ADAM12: variants seen among roughly 807,000 people sequenced by gnomAD.
ADAM12 encodes disintegrin and metalloproteinase domain-containing protein 12.
ADAM12 carries 70 observed loss-of-function variants against 106.4 expected under a neutral mutation model. The observed-to-expected ratio is 0.66, with a 90% confidence interval of 0.54 to 0.80. ADAM12 has a LOEUF of 0.80. Among genes scored for constraint, ADAM12 ranks in the 30% least tolerant of loss-of-function variants. The pLI is 0.00. For missense variants in ADAM12, 1,010 were observed against 1,171.9 expected (o/e 0.86, Z 2.02); for synonymous variants, 420 against 433.5 (o/e 0.97, Z 0.39).
At chr10:126,226,913 T>C (rs7082550) in intron 3 of ADAM12, among the ~76,000 whole-genome samples, 3 of 152,178 alleles carry the variant, frequency 2.0e-5, no homozygotes, top group Admixed American at 6.5e-5. Flanking sequence ...ACATATATAC[T>C]GGCCAAGTGA....
chr10:126,216,513 G>A (rs1957990494), intron 3 of ADAM12, among the ~76,000 whole-genome samples: 1 of 152,206 alleles, frequency 6.6e-6, no homozygotes, highest in African/African-American at 2.4e-5. Context: ...ATCACAGCTT[G>A]TGATAGATCT....
At chr10:126,101,294 C>T in intron 8 of ADAM12, 53 bp from the exon 9 acceptor site, 1 of 1,573,640 alleles carries the variant, frequency 6.4e-7, no homozygotes, top group Non-Finnish European at 8.7e-7. Context: ...TTAATAAAAA[C>T]TCGAAATGAA....
chr10:126,141,901 C>G (rs1430512466), intron 4 of ADAM12, among the ~76,000 whole-genome samples: 3 of 152,196 alleles, frequency 2.0e-5, no homozygotes, highest in African/African-American at 7.2e-5. Flanking sequence ...TTGAATCACA[C>G]AATATTCTAG....
At chr10:126,262,843 C>G (rs1328891352) in intron 3 of ADAM12, among the ~76,000 whole-genome samples, 1 of 152,190 alleles carries the variant, frequency 6.6e-6, no homozygotes, top group African/African-American at 2.4e-5. Context: ...ACTTCCCACC[C>G]TGCCTCCAAC....
chr10:126,099,265 CA>C (rs1331301497), intron 9 of ADAM12, among the ~76,000 whole-genome samples: 3 of 152,122 alleles, frequency 2.0e-5, no homozygotes, highest in African/African-American at 7.2e-5. Flanking sequence ...CTATCTTGGC[CA>C]TGTATGTATA....
At chr10:126,244,196 C>A (rs4962322) in intron 3 of ADAM12, among the ~76,000 whole-genome samples, 19,852 of 152,200 alleles carry the variant, frequency 0.13, 1,420 homozygotes, top group Admixed American at 0.19. Flanking sequence ...AAGTATGAAT[C>A]CAACATGAGT....
chr10:126,144,161 T>A (rs1956581196), intron 4 of ADAM12, among the ~76,000 whole-genome samples: 1 of 152,246 alleles, frequency 6.6e-6, no homozygotes, highest in African/African-American at 2.4e-5. Context: ...TACAAAATCA[T>A]GTTCATAGTC....
At chr10:126,238,202 G>A (rs756762398) in intron 3 of ADAM12, among the ~76,000 whole-genome samples, 4 of 152,162 alleles carry the variant, frequency 2.6e-5, no homozygotes, top group South Asian at 2.1e-4. Context: ...AATCCTGGCC[G>A]GGCAGGGTGG....
chr10:126,382,678 C>T (rs141389125), intron 1 of ADAM12, among the ~76,000 whole-genome samples: 360 of 152,164 alleles, frequency 2.4e-3, no homozygotes, highest in African/African-American at 8.0e-3. Context: ...TTTAATGCCC[C>T]GTTATTAAAT....
At chr10:126,231,966 T>C (rs943673925) in intron 3 of ADAM12, among the ~76,000 whole-genome samples, 2 of 152,180 alleles carry the variant, frequency 1.3e-5, no homozygotes, top group African/African-American at 4.8e-5. Context: ...TTTCTGACAT[T>C]TCTACTTGAA....
At chr10:126,123,171 A>C (rs1956144012) in intron 5 of ADAM12, among the ~76,000 whole-genome samples, 1 of 152,242 alleles carries the variant, frequency 6.6e-6, no homozygotes, top group African/African-American at 2.4e-5. Context: ...AGCTCTAAAG[A>C]ATTGCTGGAA....
intron 3 of ADAM12, among the ~76,000 whole-genome samples, chr10:126,199,344 G>C (rs1384660105): frequency 6.6e-6 from 1 of 152,138 alleles, no homozygotes; most frequent in African/African-American, 2.4e-5. Context: ...GAAATGGCCG[G>C]TGTTCATTTC....
intron 12 of ADAM12, among the ~76,000 whole-genome samples, chr10:126,068,022 A>C (rs1258660339): frequency 6.6e-6 from 1 of 152,198 alleles, no homozygotes; most frequent in Non-Finnish European, 1.5e-5. Flanking sequence ...ATTCTATTAT[A>C]CAGACTTCCA....
chr10:126,231,592 A>G (rs1565154581), intron 3 of ADAM12, among the ~76,000 whole-genome samples: 1 of 152,174 alleles, frequency 6.6e-6, no homozygotes, highest in Non-Finnish European at 1.5e-5. Context: ...TCCTGTCTCT[A>G]ATAGGGATGT....
chr10:126,294,557 C>T (rs1960287809), intron 2 of ADAM12, among the ~76,000 whole-genome samples: 1 of 152,028 alleles, frequency 6.6e-6, no homozygotes, highest in Non-Finnish European at 1.5e-5. Flanking sequence ...TGCTCCATTC[C>T]TAAGAATGAC....
At chr10:126,027,110 A>G (rs1437619926) in intron 21 of ADAM12, among the ~76,000 whole-genome samples, 1 of 152,250 alleles carries the variant, frequency 6.6e-6, no homozygotes, top group Admixed American at 6.5e-5. Context: ...AGAGAATACT[A>G]TAAACACCTC....
At chr10:126,304,829 A>G (rs1960776848) in intron 2 of ADAM12, among the ~76,000 whole-genome samples, 1 of 152,144 alleles carries the variant, frequency 6.6e-6, no homozygotes, top group Non-Finnish European at 1.5e-5. Flanking sequence ...AATAAGTTCC[A>G]TGTAAACATG....
intron 11 of ADAM12, among the ~76,000 whole-genome samples, chr10:126,078,938 T>C (rs148630541): frequency 4.2e-3 from 641 of 152,212 alleles, no homozygotes; most frequent in Non-Finnish European, 7.4e-3. Flanking sequence ...GGTGATTGAT[T>C]AATCCTCAAT....
intron 3 of ADAM12, among the ~76,000 whole-genome samples, chr10:126,159,938 G>C (rs1055865866): frequency 6.6e-6 from 1 of 152,156 alleles, no homozygotes; most frequent in African/African-American, 2.4e-5. Flanking sequence ...CTTGTCTAAG[G>C]AGAGTGGAAC....
Sources: allele counts gnomAD v4.1 joint callset (sites outside exome capture counted in the v4.1 genomes callset), GRCh38; gene constraint gnomAD v4.1.1; transcripts MANE v1.5; gene names NCBI Gene and HGNC (gene_info 2026-07-23, HGNC 2026-07-21).